RANBP2: variants seen among roughly 807,000 people sequenced by gnomAD.
The protein encoded by RANBP2 is E3 SUMO-protein ligase RanBP2.
In RANBP2, 57 loss-of-function variants were observed where a neutral mutation model predicts 303.6. The observed-to-expected ratio is 0.19, with a 90% CI of 0.15 to 0.23. The LOEUF is 0.23. RANBP2 is among the 10% of genes least tolerant of loss of function. RANBP2 has a pLI of 1.00. For synonymous variants in RANBP2, 1,167 were observed against 1,301.5 expected (o/e 0.90, Z 2.23); for missense variants, 3,138 against 3,780.8 (o/e 0.83, Z 4.46).
the RANBP2 span, among the ~76,000 whole-genome samples, chr2:109,561,766 G>A: frequency 6.6e-6 from 1 of 152,128 alleles, no homozygotes; most frequent in Admixed American, 6.5e-5. Context: ...GGTCAAAGTG[G>A]TGACTGAGTT....
At chr2:109,013,222 T>G in the RANBP2 span, among the ~76,000 whole-genome samples, 5 of 152,324 alleles carry the variant, frequency 3.3e-5, no homozygotes, top group Admixed American at 2.6e-4. Flanking sequence ...AATAAGGACA[T>G]CCGCTTCCTT....
At chr2:109,650,992 G>C in the RANBP2 span, among the ~76,000 whole-genome samples, 1 of 152,122 alleles carries the variant, frequency 6.6e-6, no homozygotes, top group African/African-American at 2.4e-5. Flanking sequence ...GAGAGTGGAG[G>C]TAAATGGCTG....
At chr2:108,739,128 C>T (rs1026781141) in intron 6 of RANBP2, among the ~76,000 whole-genome samples, 3 of 151,754 alleles carry the variant, frequency 2.0e-5, no homozygotes, top group Non-Finnish European at 4.4e-5. Flanking sequence ...CTCAGCGGGG[C>T]GCGGTGGCTC....
chr2:108,974,542 C>T, the RANBP2 span, among the ~76,000 whole-genome samples: 1 of 150,510 alleles, frequency 6.6e-6, no homozygotes, highest in Non-Finnish European at 1.5e-5. Context: ...CCAGCCTGAC[C>T]AACATGATGA....
At chr2:108,769,556 T>C (rs1167361348) in intron 20 of RANBP2, among the ~76,000 whole-genome samples, 3 of 150,442 alleles carry the variant, frequency 2.0e-5, no homozygotes, top group Non-Finnish European at 4.4e-5. Context: ...ATTTGTAATG[T>C]ACTTCATTGC....
At chr2:109,573,094 T>C in the RANBP2 span, among the ~76,000 whole-genome samples, 1 of 152,162 alleles carries the variant, frequency 6.6e-6, no homozygotes, top group Non-Finnish European at 1.5e-5. Flanking sequence ...GGTATGCCTA[T>C]TTGCTAAACC....
chr2:109,588,375 A>G, the RANBP2 span, among the ~76,000 whole-genome samples: 2 of 152,242 alleles, frequency 1.3e-5, no homozygotes, highest in Non-Finnish European at 2.9e-5. Flanking sequence ...TGTTTAAAGC[A>G]GTAACAAAAA....
the RANBP2 span, among the ~76,000 whole-genome samples, chr2:109,522,027 G>T: frequency 3.9e-5 from 6 of 152,040 alleles, no homozygotes; most frequent in Non-Finnish European, 7.4e-5. Context: ...ACTCCACAAC[G>T]GCAGCGTTTT....
chr2:108,974,351 A>G, the RANBP2 span, among the ~76,000 whole-genome samples: 301 of 150,908 alleles, frequency 2.0e-3, 1 homozygote, highest in African/African-American at 6.5e-3. Context: ...AAAAAAAAAA[A>G]AAAGAAATGC....
chr2:109,019,887 T>C, the RANBP2 span, among the ~76,000 whole-genome samples: 1 of 152,208 alleles, frequency 6.6e-6, no homozygotes, highest in Non-Finnish European at 1.5e-5. Flanking sequence ...GGGTTTTCTA[T>C]AATGGAGATA....
At chr2:109,374,609 C>T in the RANBP2 span, among the ~76,000 whole-genome samples, 3 of 152,124 alleles carry the variant, frequency 2.0e-5, no homozygotes, top group African/African-American at 2.4e-5. Context: ...CACAGGCAGC[C>T]GGCACAGTCC....
chr2:109,615,806 C>T, the RANBP2 span: 3 of 1,613,936 alleles, frequency 1.9e-6, no homozygotes, highest in African/African-American at 4.0e-5. Flanking sequence ...GGGACCATCA[C>T]CACCATCACC....
chr2:109,010,905 C>G, the RANBP2 span, among the ~76,000 whole-genome samples: 1 of 152,222 alleles, frequency 6.6e-6, no homozygotes, highest in Non-Finnish European at 1.5e-5. Context: ...GGTGAGCCTA[C>G]AGGTTGCTGA....
the RANBP2 span, among the ~76,000 whole-genome samples, chr2:109,050,584 A>G: frequency 6.6e-6 from 1 of 152,060 alleles, no homozygotes; most frequent in African/African-American, 2.4e-5. Flanking sequence ...ATTACTAGAA[A>G]GTTTAAAATT....
the RANBP2 span, among the ~76,000 whole-genome samples, chr2:108,806,573 CTCTT>C: frequency 3.3e-5 from 5 of 152,272 alleles, no homozygotes; most frequent in African/African-American, 7.2e-5. Flanking sequence ...CATGTGGTCT[CTCTT>C]TCAGTGACCC....
the RANBP2 span, among the ~76,000 whole-genome samples, chr2:109,455,660 A>G: frequency 6.6e-4 from 100 of 152,316 alleles, 1 homozygote; most frequent in African/African-American, 2.2e-3. Context: ...TCTAAAGTGA[A>G]GAATCGCTGG....
chr2:109,056,120 C>T, the RANBP2 span, among the ~76,000 whole-genome samples: 1 of 152,008 alleles, frequency 6.6e-6, no homozygotes, highest in Non-Finnish European at 1.5e-5. Context: ...TCAATGGTGG[C>T]ACCTTAAAAC....
chr2:108,919,031 G>A, the RANBP2 span, among the ~76,000 whole-genome samples: 2 of 152,104 alleles, frequency 1.3e-5, no homozygotes, highest in Non-Finnish European at 2.9e-5. Context: ...GGCCCACTGG[G>A]ACCCGCTGTG....
intron 4 of RANBP2, among the ~76,000 whole-genome samples, chr2:108,733,159 A>G (rs1695309937): frequency 6.6e-6 from 1 of 150,980 alleles, no homozygotes; most frequent in Non-Finnish European, 1.5e-5. Context: ...TTCTTCAGTC[A>G]CCATAATACC....
Sources: allele counts gnomAD v4.1 joint callset (sites outside exome capture counted in the v4.1 genomes callset), GRCh38; gene constraint gnomAD v4.1.1; transcripts MANE v1.5; gene names NCBI Gene and HGNC (gene_info 2026-07-23, HGNC 2026-07-21).